Variants in ANO4 observed in about 807,000 individuals in gnomAD.
ANO4 encodes the protein anoctamin-4.
In ANO4, 69 loss-of-function variants were observed where a neutral mutation model predicts 141.9. The ratio of observed to expected loss-of-function variants is 0.49; its 90% CI spans 0.40 to 0.59. The LOEUF is 0.59. Ranked by LOEUF, ANO4 falls within the 20% of genes least tolerant of loss-of-function variation. The pLI is 0.00. For synonymous variants in ANO4, 350 were observed against 394.3 expected, an observed-to-expected ratio of 0.89 and a Z score of 1.33; for missense variants, 894 against 1,162.2, an observed-to-expected ratio of 0.77 and a Z score of 3.36.
chr12:100,980,928 T>A (rs2044431555), intron 7 of ANO4, among the ~76,000 whole-genome samples: 1 of 152,038 alleles, frequency 6.6e-6, no homozygotes, highest in Non-Finnish European at 1.5e-5. Flanking sequence ...GCAAATATAG[T>A]CTGTGGAAGA....
chr12:101,039,382 A>T (rs2047327886), intron 10 of ANO4, among the ~76,000 whole-genome samples: 1 of 152,114 alleles, frequency 6.6e-6, no homozygotes, highest in African/African-American at 2.4e-5. Context: ...GCACATGCCT[A>T]TGGTCCCAGC....
At chr12:100,978,907 G>A (rs921554176) in intron 7 of ANO4, among the ~76,000 whole-genome samples, 6 of 152,274 alleles carry the variant, frequency 3.9e-5, no homozygotes, top group East Asian at 3.9e-4. Flanking sequence ...TGTCTTAAAG[G>A]CCTTTGGAAC....
At chr12:100,785,865 A>G (rs551084712) in intron 3 of ANO4, among the ~76,000 whole-genome samples, 181 of 152,308 alleles carry the variant, frequency 1.2e-3, no homozygotes, top group African/African-American at 4.1e-3. Context: ...CCTTCCAGCA[A>G]TGCAGATTTA....
rs1246687636 is a variant in ANO4, at chr12:101,068,177, C to T, written c.1313-11016C>T. The T allele has an allele frequency of 1.2e-5, 13 of 1,125,054 alleles. No individual in the cohort carries two copies. The East Asian group carries it at 2.1e-4, about 18-fold the overall frequency. The allele number at this position is 1,125,054 out of a possible 1,614,324, so 69.7% of individuals were successfully genotyped here. A position where few individuals can be genotyped will look rare whatever the true frequency, so the allele number is the denominator to read the frequency against. On this transcript the variant is annotated intron_variant, in intron 14 of 27. Coordinates refer to ENST00000392977, the MANE Select transcript of ANO4 (RefSeq NM_001286615.2). ...ACAGGAGTTGACTTTTAAATAGCCC[C>T]ATAGGAGTGGAGTGGTTGTCTCCTG...
chr12:101,098,372 A>T (rs1021602898), intron 21 of ANO4, among the ~76,000 whole-genome samples: 2 of 152,216 alleles, frequency 1.3e-5, no homozygotes, highest in African/African-American at 4.8e-5. Flanking sequence ...GGTAAGGATG[A>T]CCTTGAATTC....
At chr12:100,855,414 A>G (rs934156499) in intron 1 of ANO4, among the ~76,000 whole-genome samples, 9 of 152,220 alleles carry the variant, frequency 5.9e-5, no homozygotes, top group Non-Finnish European at 1.2e-4. Flanking sequence ...ATATCCTTCA[A>G]ATCTTTATTC....
At chr12:100,901,951 G>A (rs2040613349) in intron 2 of ANO4, 111 bp downstream of exon 2, 2 of 1,076,160 alleles carry the variant, frequency 1.9e-6, no homozygotes, top group East Asian at 2.5e-5. Flanking sequence ...GCTTGCTTTT[G>A]TTAGGAGTCT....
intron 1 of ANO4, among the ~76,000 whole-genome samples, chr12:100,723,585 T>A (rs2030963871): frequency 6.6e-6 from 1 of 152,180 alleles, no homozygotes; most frequent in South Asian, 2.1e-4. Flanking sequence ...TTCGTAAACC[T>A]ATAAAATACA....
chr12:100,819,082 T>C (rs933019298), intron 1 of ANO4, among the ~76,000 whole-genome samples: 2 of 150,724 alleles, frequency 1.3e-5, no homozygotes, highest in East Asian at 3.9e-4. Context: ...TATATATATT[T>C]CTATTTTAAA....
chr12:100,820,940 T>C (rs1185138840), intron 1 of ANO4, among the ~76,000 whole-genome samples: 1 of 152,050 alleles, frequency 6.6e-6, no homozygotes, highest in Non-Finnish European at 1.5e-5. Flanking sequence ...GCATCATTTC[T>C]TGTATCTTAT....
chr12:100,968,092 AAAT>A (rs1203441370), intron 5 of ANO4, among the ~76,000 whole-genome samples: 2 of 152,052 alleles, frequency 1.3e-5, no homozygotes, highest in Non-Finnish European at 2.9e-5. Context: ...AAAACATGAA[AAAT>A]AATAAATAAA....
chr12:101,054,273 G>C (rs1335103562), intron 14 of ANO4, among the ~76,000 whole-genome samples: 1 of 152,102 alleles, frequency 6.6e-6, no homozygotes, highest in East Asian at 1.9e-4. Flanking sequence ...AAGTATACAA[G>C]TAAAACACGA....
At chr12:100,901,957 A>C in intron 2 of ANO4, 117 bp downstream of exon 2, 2 of 1,018,782 alleles carry the variant, frequency 2.0e-6, no homozygotes, top group Non-Finnish European at 2.9e-6. Context: ...TTTTGTTAGG[A>C]GTCTTGTTCT....
At chr12:100,759,320 T>C (rs901171827) in intron 3 of ANO4, among the ~76,000 whole-genome samples, 1 of 152,226 alleles carries the variant, frequency 6.6e-6, no homozygotes, top group Admixed American at 6.5e-5. Flanking sequence ...ATGAAGTATA[T>C]ATATTTTTGT....
At chr12:100,806,523 C>CCTTTTTTTTT (rs1593379234) in intron 1 of ANO4, among the ~76,000 whole-genome samples, 1 of 44,956 alleles carries the variant, frequency 2.2e-5, no homozygotes, top group African/African-American at 7.3e-5. Context: ...TTTTTTGTTT[C>CCTTTTTTTTT]GTTTTTTTTT....
At chr12:100,863,920 A>C (rs2038615383) in intron 1 of ANO4, among the ~76,000 whole-genome samples, 1 of 152,212 alleles carries the variant, frequency 6.6e-6, no homozygotes, top group Non-Finnish European at 1.5e-5. Flanking sequence ...TCTTTTATTC[A>C]AAGTGCCTTG....
At chr12:100,925,246 G>T (rs181709592) in intron 3 of ANO4, among the ~76,000 whole-genome samples, 1 of 151,994 alleles carries the variant, frequency 6.6e-6, no homozygotes, top group Non-Finnish European at 1.5e-5. Flanking sequence ...CATAAAAATA[G>T]GTAGCTTGGT....
chr12:101,090,070 A>G (rs930222142), intron 17 of ANO4, among the ~76,000 whole-genome samples: 2 of 152,200 alleles, frequency 1.3e-5, no homozygotes, highest in African/African-American at 4.8e-5. Flanking sequence ...ACCAGTTAGA[A>G]TGGTGATCCT....
intron 1 of ANO4, among the ~76,000 whole-genome samples, chr12:100,826,170 C>G (rs1037349352): frequency 2.6e-5 from 4 of 151,720 alleles, no homozygotes; most frequent in Non-Finnish European, 5.9e-5. Flanking sequence ...AAGCAAAAGA[C>G]AGTGTAACAG....
Sources: allele counts gnomAD v4.1 joint callset (sites outside exome capture counted in the v4.1 genomes callset), GRCh38; gene constraint gnomAD v4.1.1; transcripts MANE v1.5; gene names NCBI Gene and HGNC (gene_info 2026-07-23, HGNC 2026-07-21).